Variants in TRIM9 observed in about 807,000 individuals in gnomAD.
TRIM9 encodes the protein tripartite motif containing 9.
In TRIM9, 26 loss-of-function variants were observed where a neutral mutation model predicts 78.3. The ratio of observed to expected loss-of-function variants is 0.33; its 90% CI spans 0.24 to 0.46. The LOEUF (loss-of-function observed/expected upper bound fraction) is 0.46. Among genes scored for constraint, TRIM9 ranks in the 20% least tolerant of loss-of-function variants. The pLI is 1.00. For missense variants in TRIM9, 787 were observed against 1,036.4 expected (o/e 0.76, Z 3.30); for synonymous variants, 398 against 416.5 (o/e 0.96, Z 0.54).
intron 1 of TRIM9, among the ~76,000 whole-genome samples, chr14:51,054,809 G>A (rs796867938): frequency 2.0e-5 from 3 of 152,136 alleles, no homozygotes; most frequent in African/African-American, 7.2e-5. Context: ...AAAGTGCTGC[G>A]ATTACAGGCG....
chr14:51,083,175 C>G lies in TRIM9; in HGVS notation c.822+10943G>C, dbSNP rs548842635. Among the ~76,000 whole-genome samples the G allele has an allele frequency of 2.6e-5, 4 of 152,266 alleles. No homozygotes were observed. In the East Asian group the frequency reaches 7.7e-4, roughly 29 times the overall value. ...TCGATACTTTTCTCATGAAGTGAAT[C>G]TTTGTCTAGTTTTCTAATACTTTTT... On this transcript the variant is annotated intron_variant, in intron 1 of 12. Coordinates refer to ENST00000684578, the MANE Select transcript of TRIM9 (RefSeq NM_001387360.1).
intron 7 of TRIM9, among the ~76,000 whole-genome samples, chr14:50,994,516 A>G (rs993289171): frequency 6.6e-6 from 1 of 152,256 alleles, no homozygotes; most frequent in African/African-American, 2.4e-5. Context: ...TTTGTCCTAC[A>G]AAGTCAGATG....
chr14:51,073,525 G>C (rs1044235745), intron 1 of TRIM9, among the ~76,000 whole-genome samples: 1 of 152,186 alleles, frequency 6.6e-6, no homozygotes, highest in African/African-American at 2.4e-5. Flanking sequence ...ATATCTTTGA[G>C]CAAGAGAAGC....
rs562123308 is a variant in TRIM9 at position 51,051,207 on chromosome 14, C to G, written c.823-25847G>C. 1.4e-4 allele frequency among the ~76,000 whole-genome samples: 21 copies of G among 152,248 alleles called. No individual in the cohort carries two copies. In the South Asian group the frequency reaches 4.1e-3, roughly 30 times the overall value. On this transcript the variant is annotated intron_variant, in intron 1 of 12. Coordinates refer to ENST00000684578, the MANE Select transcript of TRIM9 (RefSeq NM_001387360.1). ...ATCATACCCAGATAACTATAGGAAACCTTCGTTGTTCCTGAAAATTTCCTA... is the reference window on the plus strand; with the variant it reads ...ATCATACCCAGATAACTATAGGAAAGCTTCGTTGTTCCTGAAAATTTCCTA...
chr14:51,018,698 G>A (rs983577260), intron 3 of TRIM9, among the ~76,000 whole-genome samples: 3 of 152,154 alleles, frequency 2.0e-5, no homozygotes, highest in Non-Finnish European at 4.4e-5. Context: ...TGAAGACTGC[G>A]CAACATGGTA....
chr14:50,978,046 A>G (rs1216792839), intron 12 of TRIM9, among the ~76,000 whole-genome samples: 2 of 152,106 alleles, frequency 1.3e-5, no homozygotes, highest in Non-Finnish European at 1.5e-5. Flanking sequence ...GGTTTTTCTG[A>G]GACTCGCTTC....
At chr14:51,006,693 T>C (rs2055843721) in intron 5 of TRIM9, among the ~76,000 whole-genome samples, 1 of 152,222 alleles carries the variant, frequency 6.6e-6, no homozygotes, top group African/African-American at 2.4e-5. Flanking sequence ...AATCCAGTAT[T>C]ATACCAAATG....
rs149217157 is a variant in TRIM9 at position 51,000,684 on chromosome 14, C to T, written c.1463G>A (p.Arg488Gln). The part of the protein sequence containing the change: ...ELDDGNGGQF[R>Q]EVYVGKETMC... ...GTACGTAGTGGGCTGTCTACTGACC[C>T]GGAATTGACCACCGTTGCCATCATC... Residue 488 changes from arginine (R) to glutamine (Q), a missense_variant and splice_region_variant, in exon 6 of 13, where the codon CGG becomes CAG. This residue lies in a region of TRIM9 where 421 missense variants were observed against 514.3 expected (regional missense o/e 0.82). Transcript: ENST00000684578. 9 of 1,613,946 alleles carry T rather than the reference C, an allele frequency of 5.6e-6. No homozygotes were observed. The highest frequency in any genetic ancestry group is 2.2e-5 in the East Asian group (1 of 44,864).
intron 1 of TRIM9, among the ~76,000 whole-genome samples, chr14:51,067,967 G>A (rs568955790): frequency 4.6e-5 from 7 of 152,246 alleles, no homozygotes; most frequent in African/African-American, 1.4e-4. Flanking sequence ...AATTACTGAC[G>A]CATAGCAGGC....
At chr14:50,990,795 T>TGTACAAGACA (rs2053407956) in intron 7 of TRIM9, among the ~76,000 whole-genome samples, 1 of 152,136 alleles carries the variant, frequency 6.6e-6, no homozygotes, top group Non-Finnish European at 1.5e-5. Flanking sequence ...TCACGAAGAA[T>TGTACAAGACA]TGTACAGTGT....
At chr14:50,994,566 C>T (rs954419420) in intron 7 of TRIM9, among the ~76,000 whole-genome samples, 4 of 152,158 alleles carry the variant, frequency 2.6e-5, no homozygotes, top group African/African-American at 7.2e-5. Context: ...GCAGAATCTA[C>T]TTAGATAGGA....
chr14:51,087,690 CA>C (rs1214052959), intron 1 of TRIM9, among the ~76,000 whole-genome samples: 2 of 152,274 alleles, frequency 1.3e-5, no homozygotes, highest in African/African-American at 4.8e-5. Flanking sequence ...AAAATATTAG[CA>C]AAACCTGGAA....
At chr14:51,042,560 G>C (rs1377716268) in intron 1 of TRIM9, among the ~76,000 whole-genome samples, 1 of 152,210 alleles carries the variant, frequency 6.6e-6, no homozygotes, top group Non-Finnish European at 1.5e-5. Flanking sequence ...AGAGGGAACA[G>C]TTTTGGTCAG....
chr14:50,992,708 A>C (rs1187693635), intron 7 of TRIM9, among the ~76,000 whole-genome samples: 2 of 152,212 alleles, frequency 1.3e-5, no homozygotes, highest in African/African-American at 4.8e-5. Context: ...GCACCATTAC[A>C]TCTTTTCTGG....
chr14:51,094,754 A>C lies in TRIM9; in HGVS notation c.186T>G (p.Tyr62Ter). The C allele has an allele frequency of 6.5e-7, 1 of 1,529,944 alleles. No homozygotes were observed. The highest frequency in any genetic ancestry group is 8.8e-7 in the Non-Finnish European group (1 of 1,140,086). 94.8% of individuals were successfully genotyped at this position (1,529,944 alleles called of 1,614,324 possible). A position where few individuals can be genotyped will look rare whatever the true frequency, so the allele number is the denominator to read the frequency against. Residue 62 changes from tyrosine to a stop codon, truncating the protein, a stop_gained, in exon 1 of 13, where the codon TAT (tyrosine) becomes TAG (stop). Transcript: ENST00000684578. LOFTEE classifies it high-confidence loss of function. Reference sequence around the variant, plus strand: ...ATAGGCTCATCTTGTCCAGGTCCAGATAGTCATAGTCGGAGACCCCGGAGC... The same window carrying C: ...ATAGGCTCATCTTGTCCAGGTCCAGCTAGTCATAGTCGGAGACCCCGGAGC... ...AAGSGVSDYD[Y>*]LDLDKMSLYS...
At chr14:51,090,447 C>A (rs767860490) in intron 1 of TRIM9, among the ~76,000 whole-genome samples, 1 of 151,928 alleles carries the variant, frequency 6.6e-6, no homozygotes, top group African/African-American at 2.4e-5. Context: ...GTTTAAATTG[C>A]AAATTTTCAT....
chr14:51,023,066 A>G (rs2057907698), intron 2 of TRIM9, 109 bp from the exon 3 acceptor site: 4 of 1,406,712 alleles, frequency 2.8e-6, no homozygotes, highest in Non-Finnish European at 3.9e-6. Context: ...AACTCTGTCC[A>G]CAATGCACAT....
intron 1 of TRIM9, among the ~76,000 whole-genome samples, chr14:51,037,539 T>G (rs1448012887): frequency 1.3e-5 from 2 of 152,212 alleles, no homozygotes; most frequent in South Asian, 4.1e-4. Context: ...TGCACTTAAG[T>G]GCAAACATCC....
chr14:51,015,762 C>A (rs528564710), intron 3 of TRIM9, among the ~76,000 whole-genome samples: 49 of 152,038 alleles, frequency 3.2e-4, no homozygotes, highest in Admixed American at 1.6e-3. Flanking sequence ...AGCCTTGGCC[C>A]CCCAAAGCAT....
Sources: gnomAD v4.1 joint callset for allele counts (sites outside exome capture counted in the v4.1 genomes callset) on GRCh38, gnomAD v4.1.1 for gene constraint, gnomAD v4.1.1 regional missense constraint, MANE v1.5 for transcripts, NCBI Gene and HGNC (gene_info 2026-07-23, HGNC 2026-07-21) for gene names.